ANKS1B: variants seen among roughly 807,000 people sequenced by gnomAD.
ANKS1B encodes ankyrin repeat and sterile alpha motif domain containing 1B, also known as ankyrin repeat and sterile alpha motif domain-containing protein 1B.
Under a neutral mutation model 148.3 loss-of-function variants are expected in ANKS1B, and 36 were observed. That is an observed-to-expected ratio of 0.24 (90% CI 0.19 to 0.32). ANKS1B has a LOEUF of 0.32. Ranked by LOEUF, ANKS1B falls within the 10% of genes least tolerant of loss-of-function variation. The probability of loss-of-function intolerance (pLI) is 1.00; values close to 1 mark genes in which losing one functional copy is unlikely to be tolerated. For synonymous variants in ANKS1B, 542 were observed against 560.8 expected (o/e 0.97, Z 0.47); for missense variants, 1,157 against 1,542.6 (o/e 0.75, Z 4.19).
intron 19 of ANKS1B, among the ~76,000 whole-genome samples, chr12:98,816,035 T>A (rs2099137030): frequency 6.6e-6 from 1 of 152,076 alleles, no homozygotes; most frequent in African/African-American, 2.4e-5. Context: ...CCTACCCTCC[T>A]CTCCTACCCA....
At chr12:99,919,270 C>A (rs1443551618) in intron 1 of ANKS1B, among the ~76,000 whole-genome samples, 1 of 152,064 alleles carries the variant, frequency 6.6e-6, no homozygotes, top group Non-Finnish European at 1.5e-5. Context: ...AGTTATTTAA[C>A]TTTTGGATCT....
intron 12 of ANKS1B, among the ~76,000 whole-genome samples, chr12:99,269,463 C>A (rs535099963): frequency 2.6e-5 from 4 of 151,956 alleles, no homozygotes; most frequent in Admixed American, 2.0e-4. Context: ...TTAAACAGAC[C>A]CTCAGAATTC....
chr12:99,374,419 A>G (rs1331026727), intron 12 of ANKS1B, among the ~76,000 whole-genome samples: 1 of 152,104 alleles, frequency 6.6e-6, no homozygotes, highest in Non-Finnish European at 1.5e-5. Context: ...TCCCAGGCTG[A>G]GTGAGTGTAG....
At chr12:99,457,978 T>G (rs2095874706) in intron 10 of ANKS1B, among the ~76,000 whole-genome samples, 1 of 152,130 alleles carries the variant, frequency 6.6e-6, no homozygotes, top group African/African-American at 2.4e-5. Context: ...ATATACATTC[T>G]ACTCATCAGC....
intron 17 of ANKS1B, among the ~76,000 whole-genome samples, chr12:98,847,249 T>C (rs2099484909): frequency 6.8e-6 from 1 of 146,234 alleles, no homozygotes. Flanking sequence ...AAATTTTCTA[T>C]TTAACCATCA....
intron 12 of ANKS1B, among the ~76,000 whole-genome samples, chr12:99,327,179 T>C (rs1487433651): frequency 2.5e-5 from 3 of 119,698 alleles, no homozygotes; most frequent in African/African-American, 1.0e-4. Flanking sequence ...TTATATTATA[T>C]ATTTATTATA....
At chr12:99,391,856 A>G (rs908913093) in intron 12 of ANKS1B, among the ~76,000 whole-genome samples, 2 of 152,248 alleles carry the variant, frequency 1.3e-5, no homozygotes, top group Non-Finnish European at 2.9e-5. Context: ...AGGAAAAAGT[A>G]CAGGAGACAC....
chr12:99,281,672 A>G lies in ANKS1B; in HGVS notation c.1757-34808T>C, dbSNP rs2078478493. On this transcript the variant is annotated intron_variant, in intron 12 of 26. Transcript: ENST00000683438. Reference sequence around the variant, plus strand: ...TATCAAACTTCATGACTGTGAAAAAATAAAAGAACTTGTGAAAAGTAAGAA... The same window carrying G: ...TATCAAACTTCATGACTGTGAAAAAGTAAAAGAACTTGTGAAAAGTAAGAA... Among the ~76,000 whole-genome samples the G allele has an allele frequency of 1.3e-5, 2 of 152,236 alleles. 1 individual carries two copies. Among genetic ancestry groups the G allele is most frequent in the Admixed American group, 1.3e-4 (2 of 15,280 alleles).
At chr12:98,825,657 CT>C (rs905407593) in intron 19 of ANKS1B, among the ~76,000 whole-genome samples, 7 of 150,228 alleles carry the variant, frequency 4.7e-5, no homozygotes, top group South Asian at 2.1e-4. Context: ...CATTTGGAAA[CT>C]TTTTTTTTTC....
intron 17 of ANKS1B, among the ~76,000 whole-genome samples, chr12:98,962,965 T>C (rs911016206): frequency 6.6e-6 from 1 of 152,160 alleles, no homozygotes; most frequent in African/African-American, 2.4e-5. Context: ...GAGAAGTTTA[T>C]AGCTATAAGT....
intron 8 of ANKS1B, among the ~76,000 whole-genome samples, chr12:99,766,978 C>T (rs550802113): frequency 6.6e-6 from 1 of 152,114 alleles, no homozygotes; most frequent in African/African-American, 2.4e-5. Context: ...GGTTTTTAGG[C>T]AATCTAATCT....
At chr12:98,852,022 CAAAAAAAAAAAAAA>C (rs35129903) in intron 17 of ANKS1B, among the ~76,000 whole-genome samples, 78 of 61,116 alleles carry the variant, frequency 1.3e-3, no homozygotes, top group African/African-American at 3.9e-3. Flanking sequence ...GACTCCATCT[CAAAAAAAAAAAAAA>C]AAAAAAAAAA....
At chr12:99,891,221 C>G (rs2093086801) in intron 1 of ANKS1B, among the ~76,000 whole-genome samples, 1 of 152,100 alleles carries the variant, frequency 6.6e-6, no homozygotes, top group Non-Finnish European at 1.5e-5. Flanking sequence ...GTGGTTGCAC[C>G]ATTTTATATT....
intron 1 of ANKS1B, among the ~76,000 whole-genome samples, chr12:99,839,014 A>C (rs950032982): frequency 1.1e-4 from 17 of 152,108 alleles, no homozygotes; most frequent in Non-Finnish European, 2.1e-4. Flanking sequence ...TAATAGCTAA[A>C]AATAGATCTC....
chr12:99,629,179 T>C (rs2098135667), intron 9 of ANKS1B, among the ~76,000 whole-genome samples: 1 of 152,020 alleles, frequency 6.6e-6, no homozygotes. Context: ...TTTTACAGAG[T>C]TGCAGACCTT....
intron 12 of ANKS1B, among the ~76,000 whole-genome samples, chr12:99,374,514 C>T (rs1223106945): frequency 6.6e-6 from 1 of 152,156 alleles, no homozygotes; most frequent in South Asian, 2.1e-4. Flanking sequence ...CAAAGATAGG[C>T]TCCGAAATAA....
intron 8 of ANKS1B, among the ~76,000 whole-genome samples, chr12:99,746,315 A>T (rs10778012): frequency 0.44 from 66,504 of 152,014 alleles, 14,965 homozygotes; most frequent in South Asian, 0.61. Flanking sequence ...TCCCTATCCA[A>T]GTGTTTAGTA....
At chr12:99,637,878 A>G (rs1300542469) in intron 9 of ANKS1B, among the ~76,000 whole-genome samples, 6 of 150,860 alleles carry the variant, frequency 4.0e-5, no homozygotes, top group Admixed American at 2.0e-4. Flanking sequence ...GAGAGAAAAA[A>G]AGAGAGAGAG....
chr12:99,347,057 G>A (rs2090796970), intron 12 of ANKS1B, among the ~76,000 whole-genome samples: 1 of 151,926 alleles, frequency 6.6e-6, no homozygotes, highest in African/African-American at 2.4e-5. Flanking sequence ...ATTTTGTTCT[G>A]AAAAAACTGT....
Sources: allele counts gnomAD v4.1 joint callset (sites outside exome capture counted in the v4.1 genomes callset), GRCh38; gene constraint gnomAD v4.1.1; transcripts MANE v1.5; gene names NCBI Gene and HGNC (gene_info 2026-07-23, HGNC 2026-07-21).